Variants in CDK8 observed in about 807,000 individuals in gnomAD.
CDK8 encodes the protein cyclin dependent kinase 8, also known as cyclin-dependent kinase 8.
In CDK8, 29 loss-of-function variants were observed where a neutral mutation model predicts 71.5. The ratio of observed to expected loss-of-function variants is 0.41; its 90% CI spans 0.30 to 0.55. The LOEUF (loss-of-function observed/expected upper bound fraction) is 0.55. Among genes scored for constraint, CDK8 ranks in the 20% least tolerant of loss-of-function variants. CDK8 has a pLI of 0.37. For synonymous variants in CDK8, 161 were observed against 192.1 expected (o/e 0.84, Z 1.34); for missense variants, 288 against 572.6 (o/e 0.50, Z 5.07).
chr13:26,282,687 A>G (rs1489177375), intron 1 of CDK8, among the ~76,000 whole-genome samples: 4 of 152,226 alleles, frequency 2.6e-5, no homozygotes, highest in Non-Finnish European at 5.9e-5. Flanking sequence ...AACAAATAGC[A>G]CGATGAATAA....
At chr13:26,319,683 CT>C (rs57713231) in intron 1 of CDK8, among the ~76,000 whole-genome samples, 57,405 of 137,370 alleles carry the variant, frequency 0.42, 11,785 homozygotes, top group Middle Eastern at 0.51. Flanking sequence ...ATCCAAATGG[CT>C]TTTTTTTTTT....
At chr13:26,373,904 A>G (rs1874808210) in intron 4 of CDK8, among the ~76,000 whole-genome samples, 1 of 151,660 alleles carries the variant, frequency 6.6e-6, no homozygotes, top group African/African-American at 2.4e-5. Flanking sequence ...TGAATGGAAC[A>G]GGCGCAGTGG....
intron 1 of CDK8, among the ~76,000 whole-genome samples, chr13:26,275,075 T>A (rs2137877028): frequency 6.6e-6 from 1 of 152,346 alleles, no homozygotes; most frequent in East Asian, 1.9e-4. Flanking sequence ...ATGCTGCTTT[T>A]ATCATTACCC....
At chr13:26,347,090 T>C (rs566802768) in intron 2 of CDK8, among the ~76,000 whole-genome samples, 20 of 152,300 alleles carry the variant, frequency 1.3e-4, no homozygotes, top group African/African-American at 4.8e-4. Context: ...CAGTTGTTTT[T>C]GTTTTTGCTT....
chr13:26,382,721 T>C, intron 4 of CDK8, 93 bp from the exon 5 acceptor site: 1 of 729,730 alleles, frequency 1.4e-6, no homozygotes, highest in Non-Finnish European at 2.2e-6. Context: ...AATGAGATTT[T>C]TTAAAAGGTG....
At chr13:26,271,549 C>T (rs911117241) in intron 1 of CDK8, among the ~76,000 whole-genome samples, 6 of 152,066 alleles carry the variant, frequency 3.9e-5, no homozygotes, top group African/African-American at 1.4e-4. Flanking sequence ...CTCATGGTTG[C>T]AATTCCAGCA....
intron 1 of CDK8, among the ~76,000 whole-genome samples, chr13:26,274,153 T>C (rs1224001028): frequency 6.6e-6 from 1 of 152,168 alleles, no homozygotes; most frequent in Non-Finnish European, 1.5e-5. Flanking sequence ...TGGATCCATT[T>C]TTAAGGTTTT....
chr13:26,341,399 A>G (rs1398792539), intron 2 of CDK8, among the ~76,000 whole-genome samples: 1 of 152,184 alleles, frequency 6.6e-6, no homozygotes, highest in African/African-American at 2.4e-5. Flanking sequence ...TTCTGGGATT[A>G]CAGGCATGAG....
intron 1 of CDK8, among the ~76,000 whole-genome samples, chr13:26,281,655 C>T (rs986871364): frequency 7.7e-5 from 8 of 103,432 alleles, no homozygotes; most frequent in African/African-American, 4.8e-4. Context: ...CTCTGAATTG[C>T]GAAATAAATA....
chr13:26,323,249 T>A (rs1874862556), intron 1 of CDK8, among the ~76,000 whole-genome samples: 1 of 151,942 alleles, frequency 6.6e-6, no homozygotes, highest in Admixed American at 6.6e-5. Context: ...GAGGGCTATC[T>A]TCCTGGCTTC....
At chr13:26,314,650 A>G (rs868761543) in intron 1 of CDK8, among the ~76,000 whole-genome samples, 1 of 152,234 alleles carries the variant, frequency 6.6e-6, no homozygotes, top group Non-Finnish European at 1.5e-5. Flanking sequence ...TGGAGTCACC[A>G]TGCTAGACTT....
chr13:26,313,214 C>G (rs1377952596), intron 1 of CDK8, among the ~76,000 whole-genome samples: 3 of 152,100 alleles, frequency 2.0e-5, no homozygotes. Flanking sequence ...ATCTCCATCA[C>G]TAGTCATAGT....
At chr13:26,311,342 C>T (rs1461684508) in intron 1 of CDK8, among the ~76,000 whole-genome samples, 1 of 139,520 alleles carries the variant, frequency 7.2e-6, no homozygotes, top group Non-Finnish European at 1.6e-5. Flanking sequence ...TTCTTTCTTC[C>T]TTCTCTTCCC....
intron 1 of CDK8, among the ~76,000 whole-genome samples, chr13:26,313,806 A>T (rs747337743): frequency 2.6e-5 from 4 of 152,088 alleles, no homozygotes; most frequent in Non-Finnish European, 5.9e-5. Flanking sequence ...TTAAATATTT[A>T]CTCCTTTAAC....
At chr13:26,299,614 T>C (rs1593248524) in intron 1 of CDK8, among the ~76,000 whole-genome samples, 1 of 152,348 alleles carries the variant, frequency 6.6e-6, no homozygotes, top group East Asian at 1.9e-4. Flanking sequence ...ATTTCAGTCA[T>C]CTTGGCATAT....
chr13:26,333,351 G>T (rs1872842964), intron 1 of CDK8, among the ~76,000 whole-genome samples: 1 of 152,054 alleles, frequency 6.6e-6, no homozygotes, highest in South Asian at 2.1e-4. Context: ...TGCTGTCTAG[G>T]CTGGCCTTGA....
At chr13:26,374,070 G>A (rs1359569119) in intron 4 of CDK8, among the ~76,000 whole-genome samples, 3 of 151,380 alleles carry the variant, frequency 2.0e-5, no homozygotes, top group Non-Finnish European at 4.4e-5. Flanking sequence ...GCGTGGTGGT[G>A]GGTGCCTGTA....
At chr13:26,371,004 A>G (rs750720831) in intron 4 of CDK8, among the ~76,000 whole-genome samples, 2 of 152,108 alleles carry the variant, frequency 1.3e-5, no homozygotes, top group Non-Finnish European at 2.9e-5. Context: ...GAAAGTGATC[A>G]TAGGCAATTA....
At chr13:26,382,645 C>A (rs1405101066) in intron 4 of CDK8, among the ~76,000 whole-genome samples, 169 bp from the exon 5 acceptor site, 1 of 152,134 alleles carries the variant, frequency 6.6e-6, no homozygotes, top group Non-Finnish European at 1.5e-5. Context: ...ATTTGCATAC[C>A]GCTTTGCATA....
Sources: gnomAD v4.1 joint callset for allele counts (sites outside exome capture counted in the v4.1 genomes callset) on GRCh38, gnomAD v4.1.1 for gene constraint, MANE v1.5 for transcripts, NCBI Gene and HGNC (gene_info 2026-07-23, HGNC 2026-07-21) for gene names.